ATRX: variants seen among roughly 807,000 people sequenced by gnomAD.
ATRX encodes the protein ATRX chromatin remodeler.
Under a neutral mutation model 172.6 loss-of-function variants are expected in ATRX, and 12 were observed. The observed-to-expected ratio is 0.07, with a 90% CI of 0.04 to 0.11. The LOEUF is 0.11. Among genes scored for constraint, ATRX ranks in the 10% least tolerant of loss-of-function variants. ATRX has a pLI of 1.00. For missense variants in ATRX, 1,368 were observed against 1,767.4 expected (o/e 0.77, Z 4.05); for synonymous variants, 674 against 594.7 (o/e 1.13, Z -1.94).
chrX:77,779,091 A>ATTTTTTTTTTTTTTT (rs1169146207), intron 1 of ATRX, among the ~76,000 whole-genome samples: 3 of 62,752 alleles, frequency 4.8e-5, no homozygotes, highest in African/African-American at 6.4e-5. Context: ...CCATGCCCGG[A>ATTTTTTTTTTTTTTT]TTTTTTTTTT....
chrX:77,718,810 C>A (rs1293844893), intron 1 of ATRX, among the ~76,000 whole-genome samples: 2 of 111,335 alleles, frequency 1.8e-5, no homozygotes, highest in Non-Finnish European at 3.8e-5. Flanking sequence ...CTCTGTCACA[C>A]AGGCTTGAGC....
intron 22 of ATRX, among the ~76,000 whole-genome samples, chrX:77,611,339 T>G (rs1557093919): frequency 1.8e-5 from 2 of 111,733 alleles, no homozygotes; most frequent in African/African-American, 6.5e-5. Context: ...CAATTTATGT[T>G]ACCATCAAGA....
chrX:77,544,828 T>C (rs1313671860), intron 30 of ATRX, among the ~76,000 whole-genome samples: 1 of 111,056 alleles, frequency 9.0e-6, no homozygotes, highest in South Asian at 3.9e-4. Flanking sequence ...TGTTGGACAT[T>C]TGGGTTGGTT....
At chrX:77,691,477 G>A (rs2071883275) in intron 6 of ATRX, among the ~76,000 whole-genome samples, 1 of 111,484 alleles carries the variant, frequency 9.0e-6, no homozygotes, top group African/African-American at 3.3e-5. Context: ...CAAAATTATT[G>A]TGTCATGTAA....
chrX:77,722,517 A>G (rs1335355182), intron 1 of ATRX, among the ~76,000 whole-genome samples: 1 of 111,872 alleles, frequency 8.9e-6, no homozygotes, highest in Non-Finnish European at 1.9e-5. Flanking sequence ...AACCCTAACA[A>G]AAAGTGGGCA....
Position 77,643,588 on chromosome X carries a change from T to C in ATRX, c.4558-7532A>G, listed in dbSNP as rs781994824. 1.8e-4 allele frequency among the ~76,000 whole-genome samples: 20 copies of C among 110,452 alleles called. No homozygotes were observed. The South Asian group carries it at 7.8e-3, about 43-fold the overall frequency. ...GGTGTGCACCACCACGCCCAACTAGTCTTTATTTTTGTAGAAACAGGGTCT... is the reference window on the plus strand; with the variant it reads ...GGTGTGCACCACCACGCCCAACTAGCCTTTATTTTTGTAGAAACAGGGTCT... On this transcript the variant is annotated intron_variant, in intron 15 of 34. Transcript: ENST00000373344.
At chrX:77,663,588 T>G in intron 11 of ATRX, 30 bp from the exon 12 acceptor site, 1 of 1,155,925 alleles carries the variant, frequency 8.7e-7, no homozygotes, top group Non-Finnish European at 1.2e-6. Context: ...CAATAAAACC[T>G]TCTTCAGCCT....
In ATRX at chrX:77,635,955, A is replaced by G. The variant is rs25641; in HGVS notation, c.4659T>C (p.His1553=). Residue 1553 remains histidine (H), a synonymous_variant, in exon 16 of 35, where the codon CAT becomes CAC. Coordinates refer to ENST00000373344, the MANE Select transcript of ATRX (RefSeq NM_000489.6). The part of the protein sequence containing the change: ...EETKEPLVQV[H]RNMVIKLKPH... ...GTTTCAATTTGATAACCATATTTCT[A>G]TGAACCTGCACTAAAGGTTCTTTGG... The G allele has an allele frequency of 0.01, 12,661 of 1,206,214 alleles. 810 individuals carry two copies. The African/African-American group carries it at 0.19, about 18-fold the overall frequency.
intron 27 of ATRX, among the ~76,000 whole-genome samples, chrX:77,578,432 G>C (rs1483257870): frequency 4.5e-5 from 5 of 112,297 alleles, no homozygotes; most frequent in African/African-American, 1.6e-4. Context: ...GAAAAGGGAA[G>C]AGAAAAAGCA....
chrX:77,619,955 C>T (rs1291985460), intron 20 of ATRX, among the ~76,000 whole-genome samples: 1 of 111,774 alleles, frequency 8.9e-6, no homozygotes, highest in African/African-American at 3.2e-5. Flanking sequence ...GCAAACTGTC[C>T]TGCCATGGAT....
At chrX:77,640,880 CAT>C (rs1341254681) in intron 15 of ATRX, among the ~76,000 whole-genome samples, 3 of 111,496 alleles carry the variant, frequency 2.7e-5, no homozygotes, top group East Asian at 5.7e-4. Context: ...AAAATGCACA[CAT>C]GAGGAGTGAA....
At chrX:77,649,808 T>C (rs2069118284) in intron 15 of ATRX, among the ~76,000 whole-genome samples, 1 of 112,266 alleles carries the variant, frequency 8.9e-6, no homozygotes, top group Non-Finnish European at 1.9e-5. Context: ...CATGGAACTA[T>C]AAGTCCAATA....
At chrX:77,697,086 T>C (rs1436361701) in intron 4 of ATRX, among the ~76,000 whole-genome samples, 1 of 112,209 alleles carries the variant, frequency 8.9e-6, no homozygotes, top group African/African-American at 3.2e-5. Context: ...GCATAGTATA[T>C]TGGGTACTAC....
intron 1 of ATRX, among the ~76,000 whole-genome samples, chrX:77,767,053 A>C (rs2075982995): frequency 8.9e-6 from 1 of 112,377 alleles, no homozygotes; most frequent in African/African-American, 3.2e-5. Flanking sequence ...CCCCATCTCC[A>C]CCAAAAAAAT....
At chrX:77,628,875 T>C (rs1242884691) in intron 19 of ATRX, among the ~76,000 whole-genome samples, 1 of 112,199 alleles carries the variant, frequency 8.9e-6, no homozygotes, top group Non-Finnish European at 1.9e-5. Context: ...TCCCAAAGTA[T>C]TGTTATTACA....
chrX:77,666,626 G>C (rs983830658), intron 10 of ATRX, among the ~76,000 whole-genome samples: 23 of 112,232 alleles, frequency 2.0e-4, no homozygotes, highest in African/African-American at 6.5e-4. Context: ...TTGGAAAGCA[G>C]AGGCAGGCAG....
intron 1 of ATRX, among the ~76,000 whole-genome samples, chrX:77,776,319 A>G (rs1557202304): frequency 2.7e-5 from 3 of 110,074 alleles, no homozygotes; most frequent in Admixed American, 9.7e-5. Flanking sequence ...GTAATAACTA[A>G]TATTTGAGTA....
chrX:77,533,086 T>C (rs781958010), intron 30 of ATRX, among the ~76,000 whole-genome samples: 1 of 111,892 alleles, frequency 8.9e-6, no homozygotes, highest in African/African-American at 3.2e-5. Flanking sequence ...AAAACTACAA[T>C]GAGATACCAT....
chrX:77,767,142 G>A (rs1397361831), intron 1 of ATRX, among the ~76,000 whole-genome samples: 10 of 111,044 alleles, frequency 9.0e-5, no homozygotes, highest in African/African-American at 3.3e-4. Flanking sequence ...ATCAGGCAGG[G>A]AGGTTGCAGT....
Sources: allele counts gnomAD v4.1 joint callset (sites outside exome capture counted in the v4.1 genomes callset), GRCh38; gene constraint gnomAD v4.1.1; transcripts MANE v1.5; gene names NCBI Gene and HGNC (gene_info 2026-07-23, HGNC 2026-07-21).